MAP4K4: variants seen among roughly 807,000 people sequenced by gnomAD.
MAP4K4 encodes the protein HPK/GCK-like kinase HGK.
MAP4K4 carries 38 observed loss-of-function variants against 189.6 expected under a neutral mutation model. The ratio of observed to expected loss-of-function variants is 0.20; its 90% confidence interval spans 0.15 to 0.26. The LOEUF is 0.26. Among genes scored for constraint, MAP4K4 ranks in the 10% least tolerant of loss-of-function variants. The probability of loss-of-function intolerance (pLI) is 1.00; values close to 1 mark genes in which losing one functional copy is unlikely to be tolerated. For missense variants in MAP4K4, 1,054 were observed against 1,726.9 expected (o/e 0.61, Z 6.91); for synonymous variants, 610 against 624.3 (o/e 0.98, Z 0.34).
At chr2:101,790,637 T>C in intron 2 of MAP4K4, 83 bp from the exon 3 acceptor site, 1 of 932,824 alleles carries the variant, frequency 1.1e-6, no homozygotes, top group Non-Finnish European at 1.7e-6. Flanking sequence ...AGATACGATT[T>C]GTTGGAAACT....
intron 3 of MAP4K4, among the ~76,000 whole-genome samples, chr2:101,807,830 C>T (rs1412588657): frequency 6.6e-6 from 1 of 152,210 alleles, no homozygotes; most frequent in Non-Finnish European, 1.5e-5. Flanking sequence ...CACTTCTAAA[C>T]AACCAGATCT....
intron 23 of MAP4K4, among the ~76,000 whole-genome samples, chr2:101,871,166 G>A (rs1321628112): frequency 6.6e-6 from 1 of 152,014 alleles, no homozygotes; most frequent in East Asian, 1.9e-4. Context: ...AGAATCCACA[G>A]GTACTTTCTG....
chr2:101,796,770 GGAGCCAGTATACTGGAA>G (rs200941210), intron 3 of MAP4K4, among the ~76,000 whole-genome samples: 4,386 of 152,132 alleles, frequency 0.029, 81 homozygotes, highest in Middle Eastern at 0.078. Flanking sequence ...ATGTCTTTTG[GGAGCCAGTATACTGGAA>G]GAGCCAGTAT....
intron 30 of MAP4K4, 100 bp from the exon 31 acceptor site, chr2:101,887,678 A>G: frequency 5.0e-6 from 4 of 793,638 alleles, no homozygotes; most frequent in Non-Finnish European, 8.0e-6. Flanking sequence ...ATCTTCAGAG[A>G]TATGGTACCA....
chr2:101,706,544 G>A (rs1229280587), intron 2 of MAP4K4, among the ~76,000 whole-genome samples: 1 of 152,052 alleles, frequency 6.6e-6, no homozygotes, highest in African/African-American at 2.4e-5. Context: ...TACCCTAAAA[G>A]GTATAACAAA....
intron 2 of MAP4K4, among the ~76,000 whole-genome samples, chr2:101,772,570 A>G (rs1290726202): frequency 2.0e-5 from 3 of 152,164 alleles, no homozygotes; most frequent in Admixed American, 6.5e-5. Flanking sequence ...AGGATGAGAA[A>G]GAAAAGTTAT....
chr2:101,881,815 G>A (rs749754505), intron 27 of MAP4K4, among the ~76,000 whole-genome samples: 1 of 152,130 alleles, frequency 6.6e-6, no homozygotes, highest in Non-Finnish European at 1.5e-5. Flanking sequence ...TTGTTGATGT[G>A]TGTGGCTGAC....
intron 3 of MAP4K4, among the ~76,000 whole-genome samples, chr2:101,799,134 AC>A (rs1252275344): frequency 6.6e-6 from 1 of 152,180 alleles, no homozygotes; most frequent in Non-Finnish European, 1.5e-5. Flanking sequence ...TAGGCAGTTA[AC>A]CTCATTATTT....
intron 2 of MAP4K4, among the ~76,000 whole-genome samples, chr2:101,738,516 GGAGTCGATTTGTA>G (rs2061371860): frequency 6.6e-6 from 1 of 152,120 alleles, no homozygotes; most frequent in South Asian, 2.1e-4. Context: ...ACTGCCTTTG[GGAGTCGATTTGTA>G]GAGTGAAAGA....
chr2:101,867,947 T>TTCTCC, intron 20 of MAP4K4, 82 bp from the exon 21 acceptor site: 1 of 1,394,398 alleles, frequency 7.2e-7, no homozygotes, highest in Non-Finnish European at 1.0e-6. Flanking sequence ...CCTCTCCCCT[T>TTCTCC]CTTTCTCCCG....
exon 15 of MAP4K4, chr2:101,859,659 A>G: frequency 6.2e-7 from 1 of 1,608,744 alleles, no homozygotes; most frequent in Middle Eastern, 1.7e-4. Context: ...CGATGGCGGG[A>G]GATGGAGGAG....
chr2:101,820,206 T>C (rs2095963092), intron 3 of MAP4K4, among the ~76,000 whole-genome samples: 1 of 152,200 alleles, frequency 6.6e-6, no homozygotes, highest in Non-Finnish European at 1.5e-5. Context: ...AAGCCTTTCA[T>C]GGGAGAATCA....
chr2:101,720,741 C>T (rs1208474342), intron 2 of MAP4K4, among the ~76,000 whole-genome samples: 1 of 152,098 alleles, frequency 6.6e-6, no homozygotes, highest in Non-Finnish European at 1.5e-5. Context: ...TCTGAAAATT[C>T]AGATATTCAA....
intron 2 of MAP4K4, among the ~76,000 whole-genome samples, chr2:101,746,469 A>G (rs1201209570): frequency 6.6e-6 from 1 of 151,982 alleles, no homozygotes; most frequent in African/African-American, 2.4e-5. Context: ...CTGCCATGGT[A>G]ATACATATTA....
Position 101,871,485 on chromosome 2 carries a change from T to C in MAP4K4, c.2761-9T>C, listed in dbSNP as rs2098021588. On this transcript the variant is annotated splice_polypyrimidine_tract_variant and intron_variant, in intron 23 of 32. Transcript: ENST00000324219. ...TTGAGCGAGACAAGTGTGCCTGTTT[T>C]TTCTACAGAGTACAGTTGACCAAAA... 1 of 1,526,714 alleles carries C rather than the reference T, an allele frequency of 6.6e-7. No individual in the cohort carries two copies. The highest frequency in any genetic ancestry group is 8.8e-7 in the Non-Finnish European group (1 of 1,139,950). 94.6% of individuals were successfully genotyped at this position (1,526,714 alleles called of 1,614,324 possible). A position where few individuals can be genotyped will look rare whatever the true frequency, so the allele number is the denominator to read the frequency against.
At chr2:101,774,164 T>C (rs1000979002) in intron 2 of MAP4K4, among the ~76,000 whole-genome samples, 1 of 152,242 alleles carries the variant, frequency 6.6e-6, no homozygotes, top group Non-Finnish European at 1.5e-5. Flanking sequence ...GTTGTACTAG[T>C]TTACGTTACC....
At chr2:101,718,112 C>G (rs993735168) in intron 2 of MAP4K4, among the ~76,000 whole-genome samples, 2 of 151,828 alleles carry the variant, frequency 1.3e-5, no homozygotes, top group Non-Finnish European at 2.9e-5. Flanking sequence ...CAAAATTAGC[C>G]GGGCATGATG....
rs907262714 is a variant in MAP4K4, at chr2:101,831,650, T to G, written c.509-71T>G. 1.5e-5 allele frequency: 23 copies of G among 1,505,370 alleles called. No homozygotes were observed. In the African/African-American group the frequency reaches 3.0e-4, roughly 20 times the overall value. 93.3% of individuals were successfully genotyped at this position (1,505,370 alleles called of 1,614,324 possible). ...ACTATGAAGACATTTCCTCCTTGTG[T>G]TTTTTCCCAAGTATATCTGGTTTGT... On this transcript the variant is annotated intron_variant, in intron 6 of 32. Coordinates refer to ENST00000324219, the Ensembl canonical transcript of MAP4K4.
Position 101,800,267 on chromosome 2 carries a change from C to G in MAP4K4, c.180+9491C>G, listed in dbSNP as rs535587254. 4.6e-5 allele frequency among the ~76,000 whole-genome samples: 7 copies of G among 152,238 alleles called. No individual in the cohort carries two copies. In the East Asian group the frequency reaches 1.2e-3, roughly 25 times the overall value. Reference sequence around the variant, plus strand: ...ACCTCAGCTTCCCGAGTAACTGGGACTAAAATTTTTTGTAGAGACCAGGTC... The same window carrying G: ...ACCTCAGCTTCCCGAGTAACTGGGAGTAAAATTTTTTGTAGAGACCAGGTC... On this transcript the variant is annotated intron_variant, in intron 3 of 32. Transcript: ENST00000324219.
Sources: gnomAD v4.1 joint callset for allele counts (sites outside exome capture counted in the v4.1 genomes callset) on GRCh38, gnomAD v4.1.1 for gene constraint, MANE v1.5 for transcripts, NCBI Gene and HGNC (gene_info 2026-07-23, HGNC 2026-07-21) for gene names.